The following TMEM132D variants were observed in gnomAD, a reference collection of about 807,000 sequenced individuals.
TMEM132D encodes mature OL transmembrane protein.
Under a neutral mutation model 62.3 loss-of-function variants are expected in TMEM132D, and 21 were observed. That is an observed-to-expected ratio of 0.34 (90% CI 0.24 to 0.49). The LOEUF (loss-of-function observed/expected upper bound fraction) is 0.49, where lower values mean the gene tolerates loss of function less well. Among genes scored for constraint, TMEM132D ranks in the 20% least tolerant of loss-of-function variants. The pLI is 0.99. For missense variants in TMEM132D, 1,346 were observed against 1,402.8 expected (o/e 0.96, Z 0.65); for synonymous variants, 621 against 575.6 (o/e 1.08, Z -1.13).
At chr12:129,793,832 T>G (rs1871473236) in intron 1 of TMEM132D, among the ~76,000 whole-genome samples, 1 of 152,232 alleles carries the variant, frequency 6.6e-6, no homozygotes, top group Non-Finnish European at 1.5e-5. Context: ...TTGGCCCACA[T>G]TATGTATTGT....
intron 3 of TMEM132D, among the ~76,000 whole-genome samples, chr12:129,382,982 ATAT>A (rs1243300588): frequency 1.3e-5 from 2 of 152,092 alleles, no homozygotes; most frequent in African/African-American, 4.8e-5. Context: ...TTGTGGAAAA[ATAT>A]TAATGACACA....
chr12:129,537,439 T>A (rs1395178499), intron 2 of TMEM132D, among the ~76,000 whole-genome samples: 1 of 152,116 alleles, frequency 6.6e-6, no homozygotes, highest in East Asian at 1.9e-4. Context: ...ACGGGGTGCA[T>A]GACACACAGC....
chr12:129,420,338 C>A (rs7963933), intron 3 of TMEM132D, among the ~76,000 whole-genome samples: 1 of 132,264 alleles, frequency 7.6e-6, no homozygotes. Context: ...TTTGCAGTAT[C>A]TGGGCCACTG....
chr12:129,080,695 A>T (rs915470312), intron 7 of TMEM132D, among the ~76,000 whole-genome samples: 5 of 152,146 alleles, frequency 3.3e-5, no homozygotes, highest in African/African-American at 9.7e-5. Context: ...TACAATGTAC[A>T]CTATTTGGGT....
intron 4 of TMEM132D, among the ~76,000 whole-genome samples, chr12:129,236,176 G>C (rs1426625005): frequency 8.0e-6 from 1 of 124,902 alleles, no homozygotes; most frequent in Non-Finnish European, 1.7e-5. Context: ...GAGAGAGAGA[G>C]AGTCACTAAT....
intron 3 of TMEM132D, among the ~76,000 whole-genome samples, chr12:129,427,403 T>G (rs1872530401): frequency 1.5e-5 from 2 of 129,512 alleles, no homozygotes. Context: ...CCGGGGCCTG[T>G]TGTGGGGTCG....
At chr12:129,817,278 AGAT>A (rs1872373815) in intron 1 of TMEM132D, among the ~76,000 whole-genome samples, 1 of 152,212 alleles carries the variant, frequency 6.6e-6, no homozygotes, top group African/African-American at 2.4e-5. Context: ...GTAGCTGTGC[AGAT>A]GATGTCTTTC....
In TMEM132D at chr12:129,576,505, AATAT is replaced by A. The variant is rs1460464651; in HGVS notation, c.969-45304_969-45301del. Among the ~76,000 whole-genome samples the A allele has an allele frequency of 2.6e-5, 4 of 151,854 alleles. No homozygotes were observed. The East Asian group carries it at 7.7e-4, about 29-fold the overall frequency. On this transcript the variant is annotated intron_variant, in intron 2 of 8. Coordinates refer to ENST00000422113, the MANE Select transcript of TMEM132D (RefSeq NM_133448.3). ...ATGTGTACATATATCTGTTTACATA[AATAT>A]ATACACATATATGTGTACATATATC...
At chr12:129,652,277 A>T (rs1314187423) in intron 2 of TMEM132D, among the ~76,000 whole-genome samples, 1 of 152,210 alleles carries the variant, frequency 6.6e-6, no homozygotes, top group Admixed American at 6.5e-5. Context: ...GTTACTAAGA[A>T]TTGTTGATGT....
intron 2 of TMEM132D, among the ~76,000 whole-genome samples, chr12:129,552,722 C>A (rs1876934755): frequency 6.6e-6 from 1 of 152,088 alleles, no homozygotes; most frequent in African/African-American, 2.4e-5. Flanking sequence ...TATTATCTAT[C>A]TACATTATCA....
chr12:129,188,754 GGAGAGAGGGAGAGAGAGAGAGA>G (rs1326563617), intron 5 of TMEM132D, among the ~76,000 whole-genome samples: 16 of 122,582 alleles, frequency 1.3e-4, no homozygotes, highest in East Asian at 6.7e-4. Context: ...AGAGGGGGAG[GGAGAGAGGGAGAGAGAGAGAGA>G]GAGAGAGAGA....
chr12:129,216,937 G>A (rs10847802), intron 4 of TMEM132D, among the ~76,000 whole-genome samples: 46,526 of 152,124 alleles, frequency 0.31, 7,671 homozygotes, highest in Middle Eastern at 0.43. Flanking sequence ...GCCAAAACGA[G>A]TAAGTTAAAT....
intron 2 of TMEM132D, among the ~76,000 whole-genome samples, chr12:129,639,603 C>T (rs34823840): frequency 0.011 from 1,604 of 152,090 alleles, 13 homozygotes; most frequent in Middle Eastern, 0.024. Flanking sequence ...TGCACCTGGG[C>T]CCCCTACAGA....
At chr12:129,627,829 TA>T (rs1213770809) in intron 2 of TMEM132D, among the ~76,000 whole-genome samples, 2 of 151,296 alleles carry the variant, frequency 1.3e-5, no homozygotes, top group Admixed American at 6.6e-5. Flanking sequence ...CTACAGAAAA[TA>T]AAAAAAATTA....
chr12:129,310,871 T>G (rs1357056001), intron 4 of TMEM132D, among the ~76,000 whole-genome samples: 1 of 152,086 alleles, frequency 6.6e-6, no homozygotes, highest in Admixed American at 6.5e-5. Context: ...AACAGACAGA[T>G]GGAATTTGTA....
intron 4 of TMEM132D, among the ~76,000 whole-genome samples, chr12:129,214,282 T>C (rs1430403502): frequency 6.6e-6 from 1 of 152,258 alleles, no homozygotes; most frequent in Non-Finnish European, 1.5e-5. Flanking sequence ...TTTTGATTTT[T>C]GTTTTTTTAA....
intron 3 of TMEM132D, among the ~76,000 whole-genome samples, chr12:129,385,955 C>G (rs1168089694): frequency 2.0e-5 from 3 of 152,160 alleles, no homozygotes; most frequent in Non-Finnish European, 4.4e-5. Context: ...AGCTAACATC[C>G]ACTGCAGACG....
At chr12:129,169,684 T>C (rs1877666157) in intron 5 of TMEM132D, among the ~76,000 whole-genome samples, 1 of 152,314 alleles carries the variant, frequency 6.6e-6, no homozygotes, top group Admixed American at 6.5e-5. Flanking sequence ...GACGAGGGGC[T>C]GAGCAGAACT....
intron 4 of TMEM132D, among the ~76,000 whole-genome samples, chr12:129,270,351 T>A (rs1593318093): frequency 6.6e-6 from 1 of 152,182 alleles, no homozygotes; most frequent in Non-Finnish European, 1.5e-5. Context: ...CCACTTGAGT[T>A]TAAATTCTCA....
Sources: allele counts gnomAD v4.1 joint callset (sites outside exome capture counted in the v4.1 genomes callset), GRCh38; gene constraint gnomAD v4.1.1; transcripts MANE v1.5; gene names NCBI Gene and HGNC (gene_info 2026-07-23, HGNC 2026-07-21).